Variants in MAGI2 observed in about 807,000 individuals in gnomAD.
The protein encoded by MAGI2 is membrane associated guanylate kinase, WW and PDZ domain containing 2.
Under a neutral mutation model 133.3 loss-of-function variants are expected in MAGI2, and 35 were observed. The ratio of observed to expected loss-of-function variants is 0.26; its 90% CI spans 0.20 to 0.35. The LOEUF (loss-of-function observed/expected upper bound fraction) is 0.35, where lower values mean the gene tolerates loss of function less well. MAGI2 is among the 10% of genes least tolerant of loss of function. The pLI, the probability that MAGI2 is intolerant of heterozygous loss-of-function variation, is 1.00. For synonymous variants in MAGI2, 729 were observed against 710.6 expected, an observed-to-expected ratio of 1.03 and a Z score of -0.41; for missense variants, 1,636 against 1,863.4, an observed-to-expected ratio of 0.88 and a Z score of 2.25.
At chr7:78,923,407 C>CATAT (rs1425298138) in intron 2 of MAGI2, among the ~76,000 whole-genome samples, 1 of 152,198 alleles carries the variant, frequency 6.6e-6, no homozygotes, top group Non-Finnish European at 1.5e-5. Flanking sequence ...CAGATTTCTA[C>CATAT]ATATGGCTAG....
At chr7:78,200,023 A>G (rs1419028274) in intron 11 of MAGI2, among the ~76,000 whole-genome samples, 1 of 152,236 alleles carries the variant, frequency 6.6e-6, no homozygotes, top group Non-Finnish European at 1.5e-5. Context: ...ACATTGGTTA[A>G]GATAAACCAA....
intron 9 of MAGI2, among the ~76,000 whole-genome samples, chr7:78,321,168 C>A (rs1292309424): frequency 2.0e-5 from 3 of 152,180 alleles, no homozygotes; most frequent in African/African-American, 7.2e-5. Flanking sequence ...TAGGAAGAAT[C>A]AGTATCATGA....
chr7:79,354,448 G>A (rs537018353), intron 1 of MAGI2: 3 of 152,270 alleles, frequency 2.0e-5, no homozygotes, highest in Non-Finnish European at 4.4e-5. Flanking sequence ...CCTAGTTAGA[G>A]CCTGAGAATA....
At chr7:79,149,302 C>T (rs1350820276) in intron 1 of MAGI2, among the ~76,000 whole-genome samples, 6 of 151,680 alleles carry the variant, frequency 4.0e-5, no homozygotes, top group Non-Finnish European at 7.4e-5. Flanking sequence ...TACAATTTCA[C>T]ATGACAGGTT....
intron 3 of MAGI2, among the ~76,000 whole-genome samples, chr7:78,605,588 A>G (rs954794089): frequency 6.6e-6 from 1 of 152,240 alleles, no homozygotes; most frequent in Non-Finnish European, 1.5e-5. Flanking sequence ...TCAAAATATT[A>G]TAATTCTGTA....
chr7:78,460,309 C>A (rs1301104695), intron 6 of MAGI2, among the ~76,000 whole-genome samples: 1 of 152,150 alleles, frequency 6.6e-6, no homozygotes, highest in African/African-American at 2.4e-5. Context: ...TGAAACTTCC[C>A]TTTAGCTCAG....
chr7:79,310,237 A>C (rs1838175151), intron 1 of MAGI2, among the ~76,000 whole-genome samples: 2 of 147,104 alleles, frequency 1.4e-5, no homozygotes, highest in South Asian at 4.5e-4. Flanking sequence ...TAAATATTCG[A>C]ATGCATTTTT....
chr7:78,775,965 A>G (rs989592670), intron 2 of MAGI2, among the ~76,000 whole-genome samples: 4 of 152,212 alleles, frequency 2.6e-5, no homozygotes, highest in Admixed American at 2.6e-4. Context: ...CAAAAGGCTC[A>G]GTCTTAGGAA....
At chr7:78,603,601 C>T (rs751515895) in intron 3 of MAGI2, among the ~76,000 whole-genome samples, 2 of 152,176 alleles carry the variant, frequency 1.3e-5, no homozygotes, top group African/African-American at 2.4e-5. Context: ...CAGCTCACTG[C>T]AACCTCTGCC....
At chr7:78,128,604 C>G (rs1821233116) in intron 18 of MAGI2, among the ~76,000 whole-genome samples, 1 of 150,764 alleles carries the variant, frequency 6.6e-6, no homozygotes, top group African/African-American at 2.4e-5. Flanking sequence ...TACGGTCTTA[C>G]TGATGCTGAT....
chr7:78,156,308 C>G (rs533233601), intron 16 of MAGI2, among the ~76,000 whole-genome samples: 6 of 152,208 alleles, frequency 3.9e-5, no homozygotes, highest in African/African-American at 1.2e-4. Context: ...GGGAAGGGGA[C>G]AGGGAGGGGA....
At chr7:78,538,286 C>T (rs1798129384) in intron 3 of MAGI2, among the ~76,000 whole-genome samples, 1 of 152,084 alleles carries the variant, frequency 6.6e-6, no homozygotes, top group Non-Finnish European at 1.5e-5. Context: ...GTTCTTTTTG[C>T]TTAGTCTCAC....
At chr7:78,950,654 T>G (rs1324717411) in intron 2 of MAGI2, among the ~76,000 whole-genome samples, 5 of 152,172 alleles carry the variant, frequency 3.3e-5, no homozygotes. Flanking sequence ...TTCAATATAC[T>G]ATAATGATAA....
At chr7:79,448,888 C>G (rs981713677) in intron 1 of MAGI2, among the ~76,000 whole-genome samples, 1 of 151,998 alleles carries the variant, frequency 6.6e-6, no homozygotes, top group African/African-American at 2.4e-5. Flanking sequence ...ATTTAACATT[C>G]GAGGTCATAC....
chr7:78,732,465 T>A (rs926958917), intron 2 of MAGI2, among the ~76,000 whole-genome samples: 1 of 152,094 alleles, frequency 6.6e-6, no homozygotes, highest in Non-Finnish European at 1.5e-5. Flanking sequence ...TTTAACTAAC[T>A]CGTAACTGCT....
At chr7:78,560,545 A>T (rs1563170408) in intron 3 of MAGI2, among the ~76,000 whole-genome samples, 44 of 152,286 alleles carry the variant, frequency 2.9e-4, no homozygotes, top group South Asian at 2.1e-4. Context: ...ATACTTTAAA[A>T]TTTTTTTAAA....
At chr7:78,084,041 C>T (rs11761568) in intron 20 of MAGI2, among the ~76,000 whole-genome samples, 4 of 152,012 alleles carry the variant, frequency 2.6e-5, no homozygotes, top group Non-Finnish European at 2.9e-5. Context: ...GCTTGGACAT[C>T]GTTACAAACG....
intron 1 of MAGI2, among the ~76,000 whole-genome samples, chr7:79,137,189 C>A (rs1821660986): frequency 6.6e-6 from 1 of 152,036 alleles, no homozygotes; most frequent in Admixed American, 6.6e-5. Context: ...CCCGTAAGAC[C>A]CTTCTCTGAG....
Position 78,421,032 on chromosome 7 carries a change from G to A in MAGI2, c.1046-51819C>T, listed in dbSNP as rs558370355. ...ATAAATAAATCACTAGGACCAGATG[G>A]CATTCATCCAAGAGTTTTGAACGGA... On this transcript the variant is annotated intron_variant, in intron 6 of 21. Transcript: ENST00000354212. 2.0e-5 allele frequency among the ~76,000 whole-genome samples: 3 copies of A among 152,288 alleles called. No homozygotes were observed. The South Asian group carries it at 6.2e-4, about 32-fold the overall frequency.
Sources: gnomAD v4.1 joint callset for allele counts (sites outside exome capture counted in the v4.1 genomes callset) on GRCh38, gnomAD v4.1.1 for gene constraint, MANE v1.5 for transcripts, NCBI Gene and HGNC (gene_info 2026-07-23, HGNC 2026-07-21) for gene names.